C12orf42: variants seen among roughly 807,000 people sequenced by gnomAD.
C12orf42 encodes the protein chromosome 12 open reading frame 42, also known as uncharacterized protein C12orf42.
In C12orf42, 25 loss-of-function variants were observed where a neutral mutation model predicts 21.6. That is an observed-to-expected ratio of 1.16 (90% confidence interval 0.84 to 1.62). The LOEUF is 1.62. Among genes scored for constraint, C12orf42 ranks in the 40% most tolerant of loss-of-function variants. C12orf42 has a pLI of 0.00. For synonymous variants in C12orf42, 174 were observed against 175.0 expected (o/e 0.99, Z 0.05); for missense variants, 483 against 459.3 (o/e 1.05, Z -0.47).
intron 5 of C12orf42, among the ~76,000 whole-genome samples, chr12:103,270,560 TTTTA>T (rs139951957): frequency 0.27 from 39,775 of 148,344 alleles, 5,318 homozygotes; most frequent in South Asian, 0.37. Flanking sequence ...CAATATTTTA[TTTTA>T]TTTATTTATT....
At chr12:103,094,498 T>A in the C12orf42 span, among the ~76,000 whole-genome samples, 2 of 152,204 alleles carry the variant, frequency 1.3e-5, no homozygotes, top group African/African-American at 4.8e-5. Context: ...TTCATTTAAT[T>A]CATGAGTTCT....
At chr12:103,545,728 G>A in the C12orf42 span, among the ~76,000 whole-genome samples, 2 of 152,298 alleles carry the variant, frequency 1.3e-5, no homozygotes, top group Non-Finnish European at 2.9e-5. Context: ...AGCTCTGGAT[G>A]ATAATGTACC....
the C12orf42 span, among the ~76,000 whole-genome samples, chr12:103,137,377 G>A: frequency 1.3e-5 from 2 of 150,570 alleles, no homozygotes; most frequent in East Asian, 3.9e-4. Flanking sequence ...AAAAACAGAC[G>A]CTGGCAAGGA....
chr12:103,539,065 A>T, the C12orf42 span, among the ~76,000 whole-genome samples: 1 of 152,244 alleles, frequency 6.6e-6, no homozygotes, highest in African/African-American at 2.4e-5. Context: ...GTTCTCTCTC[A>T]GAGGTAAGAA....
At chr12:103,151,123 T>G in the C12orf42 span, among the ~76,000 whole-genome samples, 1 of 152,176 alleles carries the variant, frequency 6.6e-6, no homozygotes, top group South Asian at 2.1e-4. Context: ...AGATGGGGGT[T>G]TCACCATGTT....
At chr12:103,458,917 T>C (rs943794770) in intron 2 of C12orf42, among the ~76,000 whole-genome samples, 1 of 151,874 alleles carries the variant, frequency 6.6e-6, no homozygotes, top group African/African-American at 2.4e-5. Context: ...TTAGTTCAGA[T>C]TCTCTGAGAA....
chr12:103,058,029 C>T, the C12orf42 span, among the ~76,000 whole-genome samples: 6 of 151,640 alleles, frequency 4.0e-5, no homozygotes, highest in South Asian at 1.3e-3. Flanking sequence ...GATCTCACCT[C>T]CCTCTAACCT....
chr12:103,360,283 T>C lies in C12orf42; in HGVS notation c.259+8604A>G, dbSNP rs114778177. 3.0e-3 allele frequency among the ~76,000 whole-genome samples: 455 copies of C among 151,618 alleles called. 3 individuals carry two copies. Among genetic ancestry groups the C allele is most frequent in the African/African-American group, 0.01 (431 of 41,394 alleles). The stretch of plus-strand genomic sequence containing the variant: ...CAGGTGCTCAACCCTAATCACCACC[T>C]ACTAGCAGGGCTCTGCTCCTATCCA... On this transcript the variant is annotated intron_variant, in intron 4 of 5. Coordinates refer to ENST00000548883, the MANE Select transcript of C12orf42 (RefSeq NM_198521.5).
chr12:103,225,542 G>A, the C12orf42 span, among the ~76,000 whole-genome samples: 3 of 152,074 alleles, frequency 2.0e-5, no homozygotes, highest in African/African-American at 7.3e-5. Flanking sequence ...GGGGATACAA[G>A]AGGAGGACGC....
chr12:103,164,645 G>T, the C12orf42 span: 19 of 439,972 alleles, frequency 4.3e-5, no homozygotes, highest in Non-Finnish European at 7.3e-5. Context: ...TTTTAAGTTT[G>T]CATTGTTGTC....
intron 3 of C12orf42, among the ~76,000 whole-genome samples, 158 bp downstream of exon 3, chr12:103,401,449 A>C (rs2047984523): frequency 6.6e-6 from 1 of 152,234 alleles, no homozygotes; most frequent in Non-Finnish European, 1.5e-5. Context: ...TTTCTAGGAA[A>C]TGTCTTTTAA....
chr12:103,446,074 G>T (rs1343735677), intron 2 of C12orf42, among the ~76,000 whole-genome samples: 2 of 151,856 alleles, frequency 1.3e-5, no homozygotes, highest in Non-Finnish European at 2.9e-5. Context: ...TTTACTACAT[G>T]CCAGTCACAG....
the C12orf42 span, chr12:103,558,458 TC>T: frequency 6.6e-6 from 1 of 152,240 alleles, no homozygotes; most frequent in Non-Finnish European, 1.5e-5. Flanking sequence ...TGCTTGCTCT[TC>T]CCTCTTCCTG....
At chr12:103,210,932 A>G in the C12orf42 span, among the ~76,000 whole-genome samples, 1 of 152,084 alleles carries the variant, frequency 6.6e-6, no homozygotes, top group Non-Finnish European at 1.5e-5. Context: ...TCGAGTAGGC[A>G]GAGCTATGAT....
chr12:103,093,085 C>A, the C12orf42 span, among the ~76,000 whole-genome samples: 502 of 152,330 alleles, frequency 3.3e-3, 3 homozygotes, highest in African/African-American at 0.01. Flanking sequence ...GCATTTCTAT[C>A]CTATCCCATG....
chr12:103,196,437 A>T, the C12orf42 span, among the ~76,000 whole-genome samples: 1 of 152,138 alleles, frequency 6.6e-6, no homozygotes, highest in African/African-American at 2.4e-5. Context: ...TGTTCTGTAG[A>T]TATCTATTAG....
chr12:103,252,854 T>A (rs1271188993), intron 10 of C12orf42, among the ~76,000 whole-genome samples: 1 of 152,184 alleles, frequency 6.6e-6, no homozygotes, highest in Non-Finnish European at 1.5e-5. Context: ...TTGCTTTTGG[T>A]GTTTTAATCA....
the C12orf42 span, among the ~76,000 whole-genome samples, chr12:103,186,520 C>T: frequency 3.3e-5 from 5 of 152,116 alleles, no homozygotes; most frequent in African/African-American, 1.2e-4. Context: ...ACTGTCTAAT[C>T]AAAATGGCAT....
intron 4 of C12orf42, among the ~76,000 whole-genome samples, chr12:103,333,373 C>T (rs563910402): frequency 6.6e-6 from 1 of 152,286 alleles, no homozygotes; most frequent in Non-Finnish European, 1.5e-5. Flanking sequence ...ATAGTAAATG[C>T]TCAATAAATG....
Sources: allele counts gnomAD v4.1 joint callset (sites outside exome capture counted in the v4.1 genomes callset), GRCh38; gene constraint gnomAD v4.1.1; transcripts MANE v1.5; gene names NCBI Gene and HGNC (gene_info 2026-07-23, HGNC 2026-07-21).